AK5: variants seen among roughly 807,000 people sequenced by gnomAD.
AK5 encodes adenylate kinase isoenzyme 5.
A neutral mutation model predicts 69.5 loss-of-function variants in AK5; 27 were observed. The ratio of observed to expected loss-of-function variants is 0.39; its 90% confidence interval spans 0.29 to 0.54. AK5 has a LOEUF of 0.54. Ranked by LOEUF, AK5 falls within the 20% of genes least tolerant of loss-of-function variation. The pLI, the probability that AK5 is intolerant of heterozygous loss-of-function variation, is 0.71. For synonymous variants in AK5, 260 were observed against 244.4 expected, an observed-to-expected ratio of 1.06 and a Z score of -0.60; for missense variants, 531 against 700.4, an observed-to-expected ratio of 0.76 and a Z score of 2.73.
intron 9 of AK5, among the ~76,000 whole-genome samples, chr1:77,485,667 G>A (rs1217605449): frequency 6.6e-6 from 1 of 152,206 alleles, no homozygotes; most frequent in Admixed American, 6.5e-5. Context: ...TGTTTTAAAT[G>A]TGAAATAACA....
chr1:77,296,765 A>G (rs972801655), intron 3 of AK5, among the ~76,000 whole-genome samples: 1 of 152,212 alleles, frequency 6.6e-6, no homozygotes, highest in African/African-American at 2.4e-5. Flanking sequence ...CTTTTGATTT[A>G]AAAAATAATC....
intron 12 of AK5, among the ~76,000 whole-genome samples, chr1:77,524,871 G>T (rs146014444): frequency 6.6e-6 from 1 of 152,004 alleles, no homozygotes; most frequent in African/African-American, 2.4e-5. Flanking sequence ...TAGTTTTAGC[G>T]CTTATATATT....
At chr1:77,480,156 G>GTGTGTGTGTGTA (rs1206468520) in intron 8 of AK5, among the ~76,000 whole-genome samples, 4 of 151,412 alleles carry the variant, frequency 2.6e-5, no homozygotes, top group African/African-American at 9.7e-5. Flanking sequence ...GTGTGTGTGT[G>GTGTGTGTGTGTA]TAAGATGCCA....
intron 6 of AK5, among the ~76,000 whole-genome samples, chr1:77,345,044 G>T (rs1334939798): frequency 6.7e-6 from 1 of 150,146 alleles, no homozygotes; most frequent in East Asian, 1.9e-4. Flanking sequence ...TTTCCAGAAT[G>T]CATTCAAAAC....
At chr1:77,367,610 A>ATT (rs1557532968) in intron 6 of AK5, among the ~76,000 whole-genome samples, 1 of 55,414 alleles carries the variant, frequency 1.8e-5, no homozygotes, top group Non-Finnish European at 3.0e-5. Flanking sequence ...ATATATATGT[A>ATT]ATATATATGT....
In AK5 at chr1:77,359,537, G is replaced by GAA. The variant is rs74377120; in HGVS notation, c.891+18977_891+18978dup. Among the ~76,000 whole-genome samples, 13 of 148,774 alleles carry GAA rather than the reference G, an allele frequency of 8.7e-5. No individual in the cohort carries two copies. The South Asian group carries it at 1.1e-3, about 12-fold the overall frequency. ...TTAACATGTATACTGTTGATAATCT[G>GAA]AAAAAAAAATGGATAAAAATGGTTT... On this transcript the variant is annotated intron_variant, in intron 6 of 13. Coordinates refer to ENST00000354567, the MANE Select transcript of AK5 (RefSeq NM_174858.3).
chr1:77,298,640 C>CAA (rs35463751), intron 5 of AK5, among the ~76,000 whole-genome samples: 1 of 137,090 alleles, frequency 7.3e-6, no homozygotes, highest in African/African-American at 2.7e-5. Context: ...CCCATCTCTA[C>CAA]AAAAAAAAAA....
intron 1 of AK5, among the ~76,000 whole-genome samples, chr1:77,285,696 C>A (rs1658310047): frequency 6.6e-6 from 1 of 151,922 alleles, no homozygotes; most frequent in Non-Finnish European, 1.5e-5. Flanking sequence ...ACACCATGAA[C>A]CAAAAAAGTA....
intron 1 of AK5, chr1:77,282,811 T>C (rs759814471): frequency 1.0e-6 from 1 of 991,804 alleles, no homozygotes; most frequent in Middle Eastern, 5.1e-4. Flanking sequence ...TCGGAACCCC[T>C]GGGGGAAAGA....
intron 13 of AK5, among the ~76,000 whole-genome samples, chr1:77,541,134 C>T (rs953808254): frequency 6.6e-6 from 1 of 152,184 alleles, no homozygotes; most frequent in African/African-American, 2.4e-5. Flanking sequence ...GTCTCGAACT[C>T]CTGACCTTGT....
chr1:77,391,495 G>GTATATATATA (rs753916010), intron 6 of AK5, among the ~76,000 whole-genome samples: 10 of 63,370 alleles, frequency 1.6e-4, no homozygotes, highest in Admixed American at 7.4e-4. Flanking sequence ...GTGTGTGTGT[G>GTATATATATA]TATATATATA....
intron 8 of AK5, among the ~76,000 whole-genome samples, chr1:77,437,745 C>T (rs1052343502): frequency 4.6e-5 from 7 of 152,044 alleles, no homozygotes; most frequent in Non-Finnish European, 7.4e-5. Context: ...CTTGATTAGT[C>T]GATGCAGGCA....
intron 7 of AK5, among the ~76,000 whole-genome samples, chr1:77,414,607 G>A (rs1208995741): frequency 6.6e-6 from 1 of 152,062 alleles, no homozygotes; most frequent in Non-Finnish European, 1.5e-5. Flanking sequence ...AGCAGCACTG[G>A]GTGCTTCCTC....
At chr1:77,537,746 G>A (rs1043769335) in intron 13 of AK5, among the ~76,000 whole-genome samples, 36 of 152,160 alleles carry the variant, frequency 2.4e-4, no homozygotes, top group African/African-American at 8.7e-4. Flanking sequence ...TCTGTTAATG[G>A]TCCGCTTTCC....
intron 5 of AK5, among the ~76,000 whole-genome samples, chr1:77,301,626 A>G (rs1659347257): frequency 6.6e-6 from 1 of 152,184 alleles, no homozygotes; most frequent in South Asian, 2.1e-4. Context: ...TCAAAAGTGG[A>G]GAATCTCTAC....
intron 6 of AK5, among the ~76,000 whole-genome samples, chr1:77,392,536 C>G (rs536817863): frequency 6.6e-6 from 1 of 152,266 alleles, no homozygotes; most frequent in East Asian, 1.9e-4. Context: ...AATTATGTAT[C>G]TGGATTTTAG....
intron 1 of AK5, among the ~76,000 whole-genome samples, chr1:77,286,292 A>G (rs775841642): frequency 6.6e-6 from 1 of 151,422 alleles, no homozygotes; most frequent in Non-Finnish European, 1.5e-5. Context: ...AGTGAGATAA[A>G]TAATGACCAG....
At chr1:77,384,993 C>G (rs145323615) in intron 6 of AK5, among the ~76,000 whole-genome samples, 1 of 152,076 alleles carries the variant, frequency 6.6e-6, no homozygotes, top group Non-Finnish European at 1.5e-5. Flanking sequence ...AAGTTTAACT[C>G]TTAAACTCTA....
intron 8 of AK5, among the ~76,000 whole-genome samples, chr1:77,476,379 T>TA (rs780460497): frequency 1.5e-4 from 23 of 152,214 alleles, no homozygotes; most frequent in Non-Finnish European, 2.9e-4. Context: ...TCCCTGGTGA[T>TA]AAAATGTACT....
Sources: gnomAD v4.1 joint callset for allele counts (sites outside exome capture counted in the v4.1 genomes callset) on GRCh38, gnomAD v4.1.1 for gene constraint, MANE v1.5 for transcripts, NCBI Gene and HGNC (gene_info 2026-07-23, HGNC 2026-07-21) for gene names.